KCNJ3: variants seen among roughly 807,000 people sequenced by gnomAD.
The protein encoded by KCNJ3 is potassium inwardly rectifying channel subfamily J member 3, also known as G protein-activated inward rectifier potassium channel 1.
Under a neutral mutation model 39.2 loss-of-function variants are expected in KCNJ3, and 4 were observed. The ratio of observed to expected loss-of-function variants is 0.10; its 90% CI spans 0.05 to 0.23. KCNJ3 has a LOEUF of 0.23. Among genes scored for constraint, KCNJ3 ranks in the 10% least tolerant of loss-of-function variants. KCNJ3 has a pLI of 1.00. For synonymous variants in KCNJ3, 230 were observed against 237.4 expected, an observed-to-expected ratio of 0.97 and a Z score of 0.29; for missense variants, 276 against 634.9, an observed-to-expected ratio of 0.43 and a Z score of 6.08.
chr2:154,831,172 CTG>C (rs1241295270), intron 2 of KCNJ3, among the ~76,000 whole-genome samples: 2 of 152,136 alleles, frequency 1.3e-5, no homozygotes, highest in African/African-American at 4.8e-5. Context: ...TCTCATAAGA[CTG>C]TGTCACAGCC....
At chr2:154,811,446 CT>C (rs1284553552) in intron 2 of KCNJ3, among the ~76,000 whole-genome samples, 2 of 152,046 alleles carry the variant, frequency 1.3e-5, no homozygotes, top group Non-Finnish European at 2.9e-5. Context: ...ACCACCATGC[CT>C]GGCTAAATTT....
chr2:154,739,887 TC>T (rs1046876736), intron 2 of KCNJ3, among the ~76,000 whole-genome samples: 1 of 152,070 alleles, frequency 6.6e-6, no homozygotes, highest in Non-Finnish European at 1.5e-5. Flanking sequence ...CTCAGTCTTT[TC>T]ATATGTGTTC....
At chr2:154,784,961 T>G (rs978152986) in intron 2 of KCNJ3, among the ~76,000 whole-genome samples, 13 of 152,174 alleles carry the variant, frequency 8.5e-5, no homozygotes, top group Non-Finnish European at 1.6e-4. Context: ...CAATATACTA[T>G]GTGCTCAATA....
In KCNJ3 at chr2:154,709,857, C is replaced by T. The variant is rs1176487881; in HGVS notation, c.919+38C>T. 3.7e-6 allele frequency: 6 copies of T among 1,605,718 alleles called. No homozygotes were observed. In the East Asian group the frequency reaches 1.1e-4, roughly 30 times the overall value. ...AGATATGCCATAAAGTTTCTTTATA[C>T]CATAATGACATTATATGATATGCAC... On this transcript the variant is annotated intron_variant, in intron 2 of 2. Transcript: ENST00000295101.
At chr2:154,768,668 G>C (rs928270397) in intron 2 of KCNJ3, among the ~76,000 whole-genome samples, 3 of 152,162 alleles carry the variant, frequency 2.0e-5, no homozygotes, top group African/African-American at 7.2e-5. Context: ...TTGGCAATGC[G>C]GGCTCTTTTT....
chr2:154,785,913 G>A (rs1449006012), intron 2 of KCNJ3, among the ~76,000 whole-genome samples: 1 of 152,120 alleles, frequency 6.6e-6, no homozygotes, highest in Admixed American at 6.5e-5. Context: ...GGGGGTCAGG[G>A]CTTCAACATA....
chr2:154,709,887 C>T, intron 2 of KCNJ3, 68 bp downstream of exon 2: 2 of 1,551,202 alleles, frequency 1.3e-6, no homozygotes, highest in Non-Finnish European at 1.7e-6. Flanking sequence ...ATGCACAATA[C>T]CTGTCATGAA....
intron 2 of KCNJ3, among the ~76,000 whole-genome samples, chr2:154,767,422 G>T (rs1316690938): frequency 6.6e-6 from 1 of 152,098 alleles, no homozygotes; most frequent in Non-Finnish European, 1.5e-5. Flanking sequence ...AACTATGAGT[G>T]AGAATATGCA....
intron 2 of KCNJ3, among the ~76,000 whole-genome samples, chr2:154,713,041 G>A (rs3106657): frequency 0.045 from 6,782 of 151,994 alleles, 345 homozygotes; most frequent in African/African-American, 0.12. Flanking sequence ...GTAGCAGAGT[G>A]AGCCATGTGG....
chr2:154,738,677 A>T (rs1303248228), intron 2 of KCNJ3, among the ~76,000 whole-genome samples: 1 of 152,094 alleles, frequency 6.6e-6, no homozygotes, highest in Non-Finnish European at 1.5e-5. Context: ...ATGACATCCG[A>T]TTATCCTCAA....
intron 2 of KCNJ3, among the ~76,000 whole-genome samples, chr2:154,758,482 C>G (rs916832014): frequency 6.6e-6 from 1 of 152,088 alleles, no homozygotes; most frequent in Non-Finnish European, 1.5e-5. Context: ...ATCTCTAGAC[C>G]ACTTACAGTA....
chr2:154,782,389 G>A (rs1686453487), intron 2 of KCNJ3, among the ~76,000 whole-genome samples: 1 of 152,116 alleles, frequency 6.6e-6, no homozygotes, highest in Admixed American at 6.5e-5. Context: ...CCCATAGTAG[G>A]TGCTAACTAA....
At chr2:154,722,779 T>C (rs139631670) in intron 2 of KCNJ3, among the ~76,000 whole-genome samples, 37 of 152,320 alleles carry the variant, frequency 2.4e-4, no homozygotes, top group African/African-American at 8.7e-4. Context: ...TAGGGTATTA[T>C]GGCAGTAATT....
At chr2:154,750,239 A>G (rs1440452127) in intron 2 of KCNJ3, among the ~76,000 whole-genome samples, 1 of 151,966 alleles carries the variant, frequency 6.6e-6, no homozygotes, top group Non-Finnish European at 1.5e-5. Context: ...ATACAGCTAT[A>G]ATTAATTAAG....
Position 154,736,574 on chromosome 2 carries a change from A to G in KCNJ3, c.919+26755A>G, listed in dbSNP as rs145215301. On this transcript the variant is annotated intron_variant, in intron 2 of 2. Transcript: ENST00000295101. The stretch of plus-strand genomic sequence containing the variant: ...TCTTACCAACTCAGAGGGTTTTACA[A>G]TGTATATATGCAATGAAGCAACAGA... Among the ~76,000 whole-genome samples, 844 of 152,160 alleles carry G rather than the reference A, an allele frequency of 5.5e-3. 11 individuals are homozygous for G. Among genetic ancestry groups the G allele is most frequent in the Non-Finnish European group, 5.1e-3 (344 of 68,004 alleles).
At chr2:154,825,891 T>A (rs188975639) in intron 2 of KCNJ3, among the ~76,000 whole-genome samples, 11 of 150,962 alleles carry the variant, frequency 7.3e-5, no homozygotes, top group African/African-American at 2.4e-4. Flanking sequence ...TTTTTTTTTT[T>A]AATTATTAAT....
At position 154,856,094 on chromosome 2, in the gene KCNJ3, G is replaced by C. The variant is rs979214686; in HGVS notation, c.*781G>C. 6.6e-6 allele frequency: 1 copy of C among 152,550 alleles called. No homozygotes were observed. Among genetic ancestry groups the C allele is most frequent in the African/African-American group, 2.4e-5 (1 of 41,440 alleles). 9.4% of individuals were successfully genotyped at this position (152,550 alleles called of 1,614,324 possible). A position where few individuals can be genotyped will look rare whatever the true frequency, so the allele number is the denominator to read the frequency against. On this transcript the variant is annotated 3_prime_UTR_variant, in exon 3 of 3. Coordinates refer to ENST00000295101, the MANE Select transcript of KCNJ3 (RefSeq NM_002239.4). ...AAATTTTAGAGCATACCAGTACTCA[G>C]TATAGCATTGAACATTTCTTATGAT...
At chr2:154,816,900 C>T (rs1687091831) in intron 2 of KCNJ3, among the ~76,000 whole-genome samples, 1 of 152,098 alleles carries the variant, frequency 6.6e-6, no homozygotes, top group African/African-American at 2.4e-5. Context: ...TTCTCATTGG[C>T]CTTTACATTA....
intron 2 of KCNJ3, among the ~76,000 whole-genome samples, chr2:154,714,367 A>G (rs1415190267): frequency 6.6e-6 from 1 of 151,490 alleles, no homozygotes; most frequent in African/African-American, 2.4e-5. Context: ...TTCTCTTTAT[A>G]TTTTTCAATT....
Sources: allele counts gnomAD v4.1 joint callset (sites outside exome capture counted in the v4.1 genomes callset), GRCh38; gene constraint gnomAD v4.1.1; transcripts MANE v1.5; gene names NCBI Gene and HGNC (gene_info 2026-07-23, HGNC 2026-07-21).